SUPT3H: variants seen among roughly 807,000 people sequenced by gnomAD.
The protein encoded by SUPT3H is transcription initiation protein SPT3 homolog.
Under a neutral mutation model 44.3 loss-of-function variants are expected in SUPT3H, and 44 were observed. The observed-to-expected ratio is 0.99, with a 90% CI of 0.78 to 1.28. The LOEUF is 1.28. Ranked by LOEUF, SUPT3H falls within the 50% of genes most tolerant of loss-of-function variation. SUPT3H has a pLI of 0.00. For synonymous variants in SUPT3H, 124 were observed against 125.6 expected (o/e 0.99, Z 0.09); for missense variants, 380 against 387.1 (o/e 0.98, Z 0.15).
At chr6:44,926,825 A>G (rs966667637) in intron 10 of SUPT3H, among the ~76,000 whole-genome samples, 9 of 152,188 alleles carry the variant, frequency 5.9e-5, no homozygotes, top group Non-Finnish European at 1.0e-4. Flanking sequence ...TATAGTTGCT[A>G]CTTTATTTTT....
chr6:45,125,827 C>CAAAA (rs5875911), intron 2 of SUPT3H, among the ~76,000 whole-genome samples: 2 of 147,346 alleles, frequency 1.4e-5, no homozygotes, highest in Admixed American at 6.8e-5. Flanking sequence ...AAACTATTAC[C>CAAAA]AAAAAAAAAA....
At chr6:45,303,819 C>A (rs753402823) in intron 2 of SUPT3H, among the ~76,000 whole-genome samples, 32 of 151,778 alleles carry the variant, frequency 2.1e-4, no homozygotes, top group Admixed American at 4.6e-4. Context: ...ATGGTGAAAC[C>A]TCATATCTAA....
At chr6:45,174,622 C>A (rs1811382163) in intron 2 of SUPT3H, among the ~76,000 whole-genome samples, 1 of 152,088 alleles carries the variant, frequency 6.6e-6, no homozygotes, top group South Asian at 2.1e-4. Context: ...TATAAAACAG[C>A]ACCTTTACAA....
At chr6:45,341,143 C>G (rs139241694) in intron 2 of SUPT3H, among the ~76,000 whole-genome samples, 6 of 152,272 alleles carry the variant, frequency 3.9e-5, no homozygotes, top group Non-Finnish European at 8.8e-5. Context: ...ATTTTAACCA[C>G]AATTATCCAC....
At chr6:45,114,213 T>C (rs879268285) in intron 2 of SUPT3H, among the ~76,000 whole-genome samples, 17 of 152,266 alleles carry the variant, frequency 1.1e-4, no homozygotes, top group Non-Finnish European at 2.2e-4. Context: ...TATTGACTGA[T>C]TGCCTGGTAT....
intron 2 of SUPT3H, among the ~76,000 whole-genome samples, chr6:45,141,961 G>C (rs761307338): frequency 1.3e-5 from 2 of 152,120 alleles, no homozygotes; most frequent in Non-Finnish European, 2.9e-5. Context: ...CTAAAGTCAA[G>C]ACAAAGGAAA....
chr6:45,108,349 G>C (rs1799561278), intron 2 of SUPT3H, among the ~76,000 whole-genome samples: 1 of 152,098 alleles, frequency 6.6e-6, no homozygotes, highest in Admixed American at 6.5e-5. Context: ...ATGGCGGCAT[G>C]CACCTGTAGT....
intron 1 of SUPT3H, among the ~76,000 whole-genome samples, chr6:45,368,276 A>G (rs1795486984): frequency 6.6e-6 from 1 of 152,190 alleles, no homozygotes; most frequent in Non-Finnish European, 1.5e-5. Context: ...GAATAAGTTC[A>G]TATCTGATTA....
intron 3 of SUPT3H, among the ~76,000 whole-genome samples, chr6:45,068,999 AT>A (rs1793936803): frequency 1.3e-5 from 2 of 151,506 alleles, no homozygotes; most frequent in African/African-American, 4.8e-5. Flanking sequence ...AATAAAAAAA[AT>A]AAAATAAAAT....
intron 2 of SUPT3H, among the ~76,000 whole-genome samples, chr6:45,259,346 A>G (rs1460115732): frequency 1.3e-5 from 2 of 152,150 alleles, no homozygotes; most frequent in Non-Finnish European, 2.9e-5. Flanking sequence ...ATCATTTAAA[A>G]GGATCCAAAA....
At chr6:45,071,939 T>C (rs1030633301) in intron 3 of SUPT3H, among the ~76,000 whole-genome samples, 8 of 152,214 alleles carry the variant, frequency 5.3e-5, no homozygotes, top group Admixed American at 1.3e-4. Context: ...GGTAATCTCC[T>C]GGCATGCTAA....
chr6:45,292,912 G>T (rs1780546527), intron 2 of SUPT3H, among the ~76,000 whole-genome samples: 1 of 151,152 alleles, frequency 6.6e-6, no homozygotes, highest in Non-Finnish European at 1.5e-5. Context: ...TCCACTGACA[G>T]CAGTAGATAG....
At chr6:44,896,598 A>G (rs1003655749) in intron 10 of SUPT3H, among the ~76,000 whole-genome samples, 1 of 152,184 alleles carries the variant, frequency 6.6e-6, no homozygotes, top group Non-Finnish European at 1.5e-5. Flanking sequence ...AAGAGGCATC[A>G]CAACAAAATT....
At chr6:44,823,124 T>TG (rs1190336592), downstream of SUPT3H, among the ~76,000 whole-genome samples, 15 of 149,946 alleles carry the variant, frequency 1.0e-4, no homozygotes, top group Non-Finnish European at 1.6e-4. Context: ...AAAAAAAAAT[T>TG]TTTTTCTACC....
intron 1 of SUPT3H, 115 bp from the exon 2 acceptor site, chr6:45,365,416 ATTTGT>A (rs1563031595): frequency 1.4e-6 from 1 of 692,880 alleles, no homozygotes. Context: ...TAAATTTCTG[ATTTGT>A]TTTGCACAAA....
At chr6:44,985,748 C>T (rs994442024) in intron 6 of SUPT3H, among the ~76,000 whole-genome samples, 15 of 152,082 alleles carry the variant, frequency 9.9e-5, no homozygotes, top group African/African-American at 3.6e-4. Context: ...GAATTTTCTC[C>T]TTCCAACAAG....
At chr6:44,824,741 C>A (rs1218884950), downstream of SUPT3H, among the ~76,000 whole-genome samples, 1 of 152,150 alleles carries the variant, frequency 6.6e-6, no homozygotes, top group African/African-American at 2.4e-5. Flanking sequence ...CTGACTCTCT[C>A]TCTCTGTAAA....
rs752887669 is a variant in SUPT3H, at chr6:45,295,524, C to CAAAAA, written c.101+69672_101+69676dup. ...ATTAAACGAAAGAGCTTTTGCACAG[C>CAAAAA]AAAAAAAAAAAAAAAAAAAAAAAAA... On this transcript the variant is annotated intron_variant, in intron 2 of 10. Coordinates refer to ENST00000371459, the MANE Select transcript of SUPT3H (RefSeq NM_003599.4). 2.4e-3 allele frequency among the ~76,000 whole-genome samples: 96 copies of CAAAAA among 40,078 alleles called. 8 individuals are homozygous for CAAAAA. The highest frequency in any genetic ancestry group is 0.012 in the East Asian group (5 of 406). 26.3% of individuals were successfully genotyped at this position (40,078 alleles called of 152,430 possible). A position where few individuals can be genotyped will look rare whatever the true frequency, so the allele number is the denominator to read the frequency against.
At position 44,939,901 on chromosome 6, in the gene SUPT3H, T is replaced by C. The variant is rs1360794855; in HGVS notation, c.802-7138A>G. Among the ~76,000 whole-genome samples, 3 of 8,694 alleles carry C rather than the reference T, an allele frequency of 3.5e-4. No individual in the cohort carries two copies. The African/African-American group carries it at 5.1e-3, about 15-fold the overall frequency. The allele number at this position is 8,694 out of a possible 152,430, so 5.7% of individuals were successfully genotyped here. The stretch of plus-strand genomic sequence containing the variant: ...TATGTTTGTGGTATCAGTTGTAATA[T>C]CTCTTGTTCAATTCTGGTTTTGTTT... On this transcript the variant is annotated intron_variant, in intron 9 of 10. Transcript: ENST00000371459.
Sources: allele counts gnomAD v4.1 joint callset (sites outside exome capture counted in the v4.1 genomes callset), GRCh38; gene constraint gnomAD v4.1.1; transcripts MANE v1.5; gene names NCBI Gene and HGNC (gene_info 2026-07-23, HGNC 2026-07-21).